Variants in FGF14 observed in about 807,000 individuals in gnomAD.
FGF14 encodes the protein fibroblast growth factor homologous factor 4.
FGF14 carries 5 observed loss-of-function variants against 25.5 expected under a neutral mutation model. The observed-to-expected ratio is 0.20, with a 90% CI of 0.10 to 0.41. The LOEUF (loss-of-function observed/expected upper bound fraction) is 0.41. FGF14 is among the 10% of genes least tolerant of loss of function. FGF14 has a pLI of 1.00. For synonymous variants in FGF14, 138 were observed against 118.3 expected, an observed-to-expected ratio of 1.17 and a Z score of -1.08; for missense variants, 222 against 320.1, an observed-to-expected ratio of 0.69 and a Z score of 2.34.
At chr13:101,802,926 C>T (rs1412990284) in intron 3 of FGF14, among the ~76,000 whole-genome samples, 1 of 151,978 alleles carries the variant, frequency 6.6e-6, no homozygotes, top group African/African-American at 2.4e-5. Context: ...GAGAAGAGGC[C>T]TTTTGGAGAA....
chr13:102,104,683 G>A (rs2044820362), intron 1 of FGF14, among the ~76,000 whole-genome samples: 2 of 152,284 alleles, frequency 1.3e-5, no homozygotes, highest in African/African-American at 2.4e-5. Context: ...CTACTCTGGA[G>A]GCTAAGGTAG....
intron 1 of FGF14, chr13:102,394,445 G>A (rs2058517570): frequency 6.6e-6 from 1 of 152,348 alleles, no homozygotes; most frequent in Non-Finnish European, 1.5e-5. Flanking sequence ...TGCCAGGGCA[G>A]GAGCCCTAGC....
chr13:102,259,763 C>T (rs970000123), intron 1 of FGF14, among the ~76,000 whole-genome samples: 16 of 152,268 alleles, frequency 1.1e-4, no homozygotes, highest in African/African-American at 3.6e-4. Flanking sequence ...AAGCACTGAA[C>T]ATCCCATACT....
chr13:102,259,986 C>T (rs2052639675), intron 1 of FGF14, among the ~76,000 whole-genome samples: 1 of 152,178 alleles, frequency 6.6e-6, no homozygotes, highest in Non-Finnish European at 1.5e-5. Context: ...GTTCCCGACA[C>T]CCTTTCAGGA....
chr13:101,833,650 CAT>C (rs1566954661), intron 3 of FGF14, among the ~76,000 whole-genome samples: 1 of 151,942 alleles, frequency 6.6e-6, no homozygotes, highest in Non-Finnish European at 1.5e-5. Context: ...TATACATATG[CAT>C]ATGTGTGTAT....
chr13:101,748,445 A>T (rs1263152767), intron 3 of FGF14, among the ~76,000 whole-genome samples: 5 of 151,866 alleles, frequency 3.3e-5, no homozygotes, highest in African/African-American at 7.3e-5. Flanking sequence ...GTACACATGG[A>T]CATACAGTAT....
intron 1 of FGF14, among the ~76,000 whole-genome samples, chr13:102,375,924 GA>G (rs1385539829): frequency 6.6e-6 from 1 of 151,986 alleles, no homozygotes; most frequent in Non-Finnish European, 1.5e-5. Context: ...AAACCTAATT[GA>G]AATGAAAAAA....
intron 3 of FGF14, among the ~76,000 whole-genome samples, chr13:101,855,637 T>C (rs1381793535): frequency 6.6e-6 from 1 of 151,966 alleles, no homozygotes; most frequent in African/African-American, 2.4e-5. Flanking sequence ...ATAAAAAAGT[T>C]AAAATTGCAT....
At position 102,044,200 on chromosome 13, in the gene FGF14, A is replaced by T. The variant is rs1444928133; in HGVS notation, c.209-168904T>A. ...GGCCACTGACATCCCCCTTGACTCC[A>T]TAGGGAGCTGCAGTTGAGGTACTTT... On this transcript the variant is annotated intron_variant, in intron 1 of 4. Coordinates refer to the FGF14 transcript ENST00000376131. 3.9e-5 allele frequency among the ~76,000 whole-genome samples: 6 copies of T among 152,210 alleles called. No individual in the cohort carries two copies. The Admixed American group carries it at 3.9e-4, about 10-fold the overall frequency.
chr13:102,039,681 T>G (rs1480317447), intron 1 of FGF14, among the ~76,000 whole-genome samples: 1 of 152,152 alleles, frequency 6.6e-6, no homozygotes, highest in Admixed American at 6.5e-5. Flanking sequence ...CTTAACTTGA[T>G]TACGTCTGCT....
At chr13:102,300,476 TC>T (rs1309863100) in intron 1 of FGF14, among the ~76,000 whole-genome samples, 3 of 152,114 alleles carry the variant, frequency 2.0e-5, no homozygotes, top group Admixed American at 2.0e-4. Context: ...CTTGTTGTAT[TC>T]CCTAAAGAAG....
At chr13:101,945,704 T>C (rs571408642) in intron 1 of FGF14, among the ~76,000 whole-genome samples, 2 of 152,250 alleles carry the variant, frequency 1.3e-5, no homozygotes, top group South Asian at 4.1e-4. Flanking sequence ...AGCATCCTCA[T>C]CCCTACCTCC....
rs745406056 is a variant in FGF14 at position 101,799,575 on chromosome 13, C to T, written c.408+69150G>A. Among the ~76,000 whole-genome samples, 4 of 151,862 alleles carry T rather than the reference C, an allele frequency of 2.6e-5. No homozygotes were observed. The East Asian group carries it at 5.8e-4, about 22-fold the overall frequency. On this transcript the variant is annotated intron_variant, in intron 3 of 4. Coordinates refer to ENST00000376143, the MANE Select transcript of FGF14 (RefSeq NM_004115.4). Reference sequence around the variant, plus strand: ...GGCAATGACAGAAACAGTGAGCAGCCGATCATTTGGGGGAAATTGATAAAT... The same window carrying T: ...GGCAATGACAGAAACAGTGAGCAGCTGATCATTTGGGGGAAATTGATAAAT...
chr13:101,949,035 T>C (rs1294331122), intron 1 of FGF14, among the ~76,000 whole-genome samples: 1 of 152,116 alleles, frequency 6.6e-6, no homozygotes, highest in African/African-American at 2.4e-5. Context: ...ATGGGTGTGT[T>C]GGGGGCTGGG....
At position 101,747,267 on chromosome 13, in the gene FGF14, T is replaced by A. The variant is rs181405957; in HGVS notation, c.409-20457A>T. Among the ~76,000 whole-genome samples, 340 of 152,108 alleles carry A rather than the reference T, an allele frequency of 2.2e-3. 1 individual carries two copies. Among genetic ancestry groups the A allele is most frequent in the African/African-American group, 7.9e-3 (327 of 41,534 alleles). Reference sequence around the variant, plus strand: ...AATGTCTTTCATCAAGACTGTGTGATTCATCCAGCAAACAAGTATTAGGTA... The same window carrying A: ...AATGTCTTTCATCAAGACTGTGTGAATCATCCAGCAAACAAGTATTAGGTA... On this transcript the variant is annotated intron_variant, in intron 3 of 4. Coordinates refer to ENST00000376143, the MANE Select transcript of FGF14 (RefSeq NM_004115.4).
intron 1 of FGF14, among the ~76,000 whole-genome samples, chr13:101,935,206 A>G (rs2035020810): frequency 6.6e-6 from 1 of 152,244 alleles, no homozygotes; most frequent in African/African-American, 2.4e-5. Context: ...AATGTAAGCA[A>G]GCTGATGTGA....
At chr13:101,723,672 A>T (rs1348486257) in intron 4 of FGF14, among the ~76,000 whole-genome samples, 1 of 152,114 alleles carries the variant, frequency 6.6e-6, no homozygotes, top group Non-Finnish European at 1.5e-5. Flanking sequence ...CAGAAAACAG[A>T]ATGGCAAGAC....
intron 1 of FGF14, among the ~76,000 whole-genome samples, chr13:102,392,216 G>A (rs926018002): frequency 6.6e-6 from 1 of 152,292 alleles, no homozygotes; most frequent in South Asian, 2.1e-4. Flanking sequence ...AAAAAAGCAC[G>A]TGTGCAAACT....
At chr13:102,224,145 CATT>C (rs1190377745) in intron 1 of FGF14, among the ~76,000 whole-genome samples, 1 of 152,140 alleles carries the variant, frequency 6.6e-6, no homozygotes, top group Admixed American at 6.6e-5. Context: ...TTTTTCCTAT[CATT>C]ATTAATAGTA....
Sources: allele counts gnomAD v4.1 joint callset (sites outside exome capture counted in the v4.1 genomes callset), GRCh38; gene constraint gnomAD v4.1.1; transcripts MANE v1.5; gene names NCBI Gene and HGNC (gene_info 2026-07-23, HGNC 2026-07-21).